RLF: variants seen among roughly 807,000 people sequenced by gnomAD.
RLF encodes the protein zinc finger protein Rlf.
A neutral mutation model predicts 162.9 loss-of-function variants in RLF; 7 were observed. That is an observed-to-expected ratio of 0.04 (90% CI 0.02 to 0.08). The LOEUF (loss-of-function observed/expected upper bound fraction) is 0.08. Ranked by LOEUF, RLF falls within the 10% of genes least tolerant of loss-of-function variation. The probability of loss-of-function intolerance (pLI) is 1.00; values close to 1 mark genes in which losing one functional copy is unlikely to be tolerated. For missense variants in RLF, 1,664 were observed against 2,244.7 expected (o/e 0.74, Z 5.23); for synonymous variants, 782 against 791.5 (o/e 0.99, Z 0.20).
rs1422543986 is a variant in RLF, at chr1:40,237,677, A to T, written c.2975A>T (p.Asp992Val). The stretch of plus-strand genomic sequence containing the variant: ...AAGCCCAAAAAGATAAAGACGAAAG[A>T]TCTGTTTCCCTCTTTGGGTAATGAA... Reference protein sequence around the residue: ...HFKPKKIKTKDLFPSLGNEHN... With the variant: ...HFKPKKIKTKVLFPSLGNEHN... The change falls in exon 8 of 8, where the codon GAT (aspartate) becomes GTT (valine). Residue 992 changes from aspartate (D) to valine (V), a missense_variant. By Grantham distance (152) the Asp-to-Val change is radical. This residue lies in a region of RLF where 295 missense variants were observed against 317.4 expected (regional missense o/e 0.93). Transcript: ENST00000372771. This position sits in a 1 kb window ranked among gnomAD's most constrained non-coding sequence, Gnocchi z 4.4. The T allele has an allele frequency of 5.6e-6, 9 of 1,614,164 alleles. No homozygotes were observed. The highest frequency in any genetic ancestry group is 6.8e-6 in the Non-Finnish European group (8 of 1,179,994).
rs1460156535 is a variant in RLF, at chr1:40,237,851, C to T, written c.3149C>T (p.Ala1050Val). 5 of 1,614,102 alleles carry T rather than the reference C, an allele frequency of 3.1e-6. No individual in the cohort carries two copies. Among genetic ancestry groups the T allele is most frequent in the East Asian group, 2.2e-5 (1 of 44,874 alleles). ...QGYSSESSICASKRPCTEDTM... is the reference protein window; with the variant it reads ...QGYSSESSICVSKRPCTEDTM... ...TATTCCTCAGAATCCTCCATTTGTGCTTCTAAAAGGCCCTGTACAGAGGAT... is the reference window on the plus strand; with the variant it reads ...TATTCCTCAGAATCCTCCATTTGTGTTTCTAAAAGGCCCTGTACAGAGGAT... The change falls in exon 8 of 8, where the codon GCT (alanine) becomes GTT (valine). Residue 1050 changes from alanine to valine, a missense_variant. Transcript: ENST00000372771. This position sits in a 1 kb window ranked among gnomAD's most constrained non-coding sequence, Gnocchi z 4.4.
chr1:40,170,392 A>G (rs965565035), intron 1 of RLF, among the ~76,000 whole-genome samples: 6 of 151,958 alleles, frequency 3.9e-5, no homozygotes, highest in Admixed American at 1.3e-4. Flanking sequence ...CCTCTCTAGT[A>G]GCTGGGACCA....
At chr1:40,199,360 G>A (rs1642680374) in intron 4 of RLF, among the ~76,000 whole-genome samples, 1 of 152,222 alleles carries the variant, frequency 6.6e-6, no homozygotes, top group Non-Finnish European at 1.5e-5. Flanking sequence ...ACAATAGTAA[G>A]TACTATTAAA....
intron 1 of RLF, among the ~76,000 whole-genome samples, chr1:40,162,352 T>C (rs1642100662): frequency 6.6e-6 from 1 of 152,124 alleles, no homozygotes; most frequent in Non-Finnish European, 1.5e-5. Flanking sequence ...CCTTGGTGGG[T>C]CCTAACCTAT....
Position 40,161,576 on chromosome 1 carries a change from G to A in RLF, c.177G>A (p.Glu59=). 6.2e-7 allele frequency: 1 copy of A among 1,613,170 alleles called. No individual in the cohort carries two copies. The highest frequency in any genetic ancestry group is 8.5e-7 in the Non-Finnish European group (1 of 1,179,582). Residue 59 remains glutamate (E), a synonymous_variant, in exon 1 of 8, where the codon GAG becomes GAA. Coordinates refer to ENST00000372771, the MANE Select transcript of RLF (RefSeq NM_012421.4). This position sits in a 1 kb window ranked among gnomAD's most constrained non-coding sequence, Gnocchi z 4.4. ...CGTGTCTGTGGCAGCTGGAGACAGA[G>A]CTGAGGGAGCAAGAGGTGTCGGAGG... ...LRPCLWQLET[E]LREQEVSEVS...
intron 3 of RLF, among the ~76,000 whole-genome samples, chr1:40,191,819 C>A (rs1642561679): frequency 1.3e-5 from 2 of 152,302 alleles, no homozygotes; most frequent in African/African-American, 2.4e-5. Context: ...TGTTTTATAT[C>A]TTCTAATCAA....
chr1:40,215,370 G>C (rs1355000355), intron 5 of RLF, among the ~76,000 whole-genome samples: 1 of 152,132 alleles, frequency 6.6e-6, no homozygotes, highest in African/African-American at 2.4e-5. Flanking sequence ...CTCCAGGATA[G>C]ACCATGTGTT....
chr1:40,202,567 A>T lies in RLF; in HGVS notation c.763A>T (p.Ile255Phe). 1 of 1,562,766 alleles carries T rather than the reference A, an allele frequency of 6.4e-7. No individual in the cohort carries two copies. Among genetic ancestry groups the T allele is most frequent in the Non-Finnish European group, 8.6e-7 (1 of 1,165,160 alleles). ...TGTGTCATCTTTTCAGCAAGCCTAT[A>T]TCACATGTTTATGTTCTATGCTCCC... ...SNVSSFQQAY[I>F]TCLCSMLPNE... The change falls in exon 5 of 8, where the codon ATC becomes TTC. Residue 255 changes from isoleucine (I) to phenylalanine (F), a missense_variant. Ile to Phe is a conservative substitution (Grantham distance 21, BLOSUM62 0). This residue lies in a region of RLF where 287 missense variants were observed against 404.9 expected (regional missense o/e 0.71). Transcript: ENST00000372771.
intron 1 of RLF, among the ~76,000 whole-genome samples, chr1:40,169,767 A>G (rs1642217526): frequency 7.0e-6 from 1 of 143,478 alleles, no homozygotes; most frequent in Non-Finnish European, 1.5e-5. Context: ...ATCTCGGCTC[A>G]CTGCAACCTC....
At chr1:40,224,402 G>A (rs1479349936) in intron 6 of RLF, among the ~76,000 whole-genome samples, 3 of 144,668 alleles carry the variant, frequency 2.1e-5, no homozygotes, top group African/African-American at 2.6e-5. Flanking sequence ...TCCGCCTCCC[G>A]AGTAGCTGGG....
chr1:40,235,697 TA>T, intron 7 of RLF, 94 bp from the exon 8 acceptor site: 1 of 890,474 alleles, frequency 1.1e-6, no homozygotes, highest in Non-Finnish European at 1.7e-6. Context: ...TTAGGAACTC[TA>T]AAAGTTTTTA....
chr1:40,195,056 A>C (rs1006404659), intron 3 of RLF, among the ~76,000 whole-genome samples: 3 of 150,132 alleles, frequency 2.0e-5, no homozygotes, highest in African/African-American at 7.3e-5. Context: ...GCTGGTCTTG[A>C]ACTCCTGACC....
chr1:40,166,182 A>G (rs1289912669), intron 1 of RLF, among the ~76,000 whole-genome samples: 2 of 152,122 alleles, frequency 1.3e-5, no homozygotes, highest in African/African-American at 4.8e-5. Context: ...TTGTATACTT[A>G]GTACCTAGCA....
rs572954309 is a variant in RLF at position 40,175,510 on chromosome 1, G to A, written c.238-13545G>A. ...CCAAAAATACAAAAATTAGCTGGGC[G>A]TGGTGGCAGGTGCCTGTAATCCCGG... is the stretch of plus-strand genomic sequence containing the variant. On this transcript the variant is annotated intron_variant, in intron 1 of 7. Coordinates refer to ENST00000372771, the MANE Select transcript of RLF (RefSeq NM_012421.4). 1.4e-3 allele frequency among the ~76,000 whole-genome samples: 213 copies of A among 152,144 alleles called. 1 individual carries two copies. Among genetic ancestry groups the A allele is most frequent in the Non-Finnish European group, 2.5e-3 (172 of 68,000 alleles).
At chr1:40,186,745 T>C (rs745448628) in intron 1 of RLF, among the ~76,000 whole-genome samples, 4 of 152,220 alleles carry the variant, frequency 2.6e-5, no homozygotes, top group Non-Finnish European at 4.4e-5. Context: ...TTATGTGTGA[T>C]AATCTATTGA....
In RLF at chr1:40,165,599, C is replaced by A. The variant is rs7516131; in HGVS notation, c.237+3963C>A. Among the ~76,000 whole-genome samples the A allele has an allele frequency of 9.5e-3, 1,442 of 152,130 alleles. 22 individuals carry two copies. The highest frequency in any genetic ancestry group is 0.032 in the African/African-American group (1,341 of 41,500). Reference sequence around the variant, plus strand: ...TTTTTTTGGGGGGACACTGTACATACCTGTAGTTTTAACTCTTAATTTTAT... The same window carrying A: ...TTTTTTTGGGGGGACACTGTACATAACTGTAGTTTTAACTCTTAATTTTAT... On this transcript the variant is annotated intron_variant, in intron 1 of 7. Coordinates refer to ENST00000372771, the MANE Select transcript of RLF (RefSeq NM_012421.4).
In RLF at chr1:40,161,442, G is replaced by A; in HGVS notation, c.43G>A (p.Gly15Arg). 1.3e-6 allele frequency: 2 copies of A among 1,573,996 alleles called. No individual in the cohort carries two copies. The highest frequency in any genetic ancestry group is 1.7e-6 in the Non-Finnish European group (2 of 1,163,070). The stretch of plus-strand genomic sequence containing the variant: ...AGACGCCGCCGCTGTCGCCGGGGCT[G>A]GGGCTGAGGCTCCGGCGGTAGCGGG... ...KGDAAAVAGA[G>R]AEAPAVAGAG... The change falls in exon 1 of 8, where the codon GGG (glycine) becomes AGG (arginine). Residue 15 changes from glycine (G) to arginine (R), a missense_variant. By Grantham distance (125) the Gly-to-Arg change is moderately radical. Around this residue, in one of 15 missense-constraint regions of RLF, gnomAD observed 134 missense variants for 124.3 expected, o/e 1.08. Transcript: ENST00000372771. The surrounding 1 kb of genome is among the most constrained non-coding windows in gnomAD (Gnocchi z 4.4).
chr1:40,226,324 C>T (rs540509661), intron 6 of RLF, among the ~76,000 whole-genome samples: 5 of 152,088 alleles, frequency 3.3e-5, no homozygotes, highest in Admixed American at 1.3e-4. Context: ...AAAAGGTGAC[C>T]ATTTTGAGTG....
At chr1:40,175,773 A>G (rs1642316343) in intron 1 of RLF, among the ~76,000 whole-genome samples, 2 of 149,242 alleles carry the variant, frequency 1.3e-5, no homozygotes, top group South Asian at 4.3e-4. Flanking sequence ...TGACAGAACA[A>G]GACTCCATCT....
Sources: gnomAD v4.1 joint callset for allele counts (sites outside exome capture counted in the v4.1 genomes callset) on GRCh38, gnomAD v4.1.1 for gene constraint, gnomAD v4.1.1 regional missense constraint, Gnocchi (gnomAD v3.1) non-coding constraint, MANE v1.5 for transcripts, NCBI Gene and HGNC (gene_info 2026-07-23, HGNC 2026-07-21) for gene names.